Variants in NWD2 observed in about 807,000 individuals in gnomAD.
The protein encoded by NWD2 is NACHT and WD repeat domain containing 2.
A neutral mutation model predicts 132.7 loss-of-function variants in NWD2; 37 were observed. The observed-to-expected ratio is 0.28, with a 90% CI of 0.21 to 0.37. The LOEUF (loss-of-function observed/expected upper bound fraction) is 0.37. NWD2 is among the 10% of genes least tolerant of loss of function. The pLI, the probability that NWD2 is intolerant of heterozygous loss-of-function variation, is 1.00. For synonymous variants in NWD2, 705 were observed against 803.0 expected (o/e 0.88, Z 2.06); for missense variants, 1,592 against 2,122.4 (o/e 0.75, Z 4.91).
chr4:37,373,175 C>T (rs979794259), intron 3 of NWD2, among the ~76,000 whole-genome samples: 1 of 152,196 alleles, frequency 6.6e-6, no homozygotes, highest in African/African-American at 2.4e-5. Context: ...AAGGTAGGTG[C>T]TAATATTAGT....
At chr4:37,265,201 A>C (rs74892297) in intron 1 of NWD2, among the ~76,000 whole-genome samples, 3 of 152,090 alleles carry the variant, frequency 2.0e-5, no homozygotes, top group Non-Finnish European at 4.4e-5. Context: ...CAAGATCCAG[A>C]TATAAAATGA....
chr4:37,411,371 C>G (rs973088999), intron 3 of NWD2, among the ~76,000 whole-genome samples: 3 of 152,176 alleles, frequency 2.0e-5, no homozygotes, highest in Non-Finnish European at 4.4e-5. Flanking sequence ...TGCAAATAAA[C>G]TAGAAAATCT....
At chr4:37,313,889 G>A (rs539561780) in intron 1 of NWD2, among the ~76,000 whole-genome samples, 1 of 151,054 alleles carries the variant, frequency 6.6e-6, no homozygotes, top group South Asian at 2.1e-4. Flanking sequence ...GTAGAGACAG[G>A]ATTTCACCAT....
At chr4:37,362,715 A>C (rs1284130881) in intron 3 of NWD2, among the ~76,000 whole-genome samples, 1 of 152,266 alleles carries the variant, frequency 6.6e-6, no homozygotes, top group Admixed American at 6.5e-5. Flanking sequence ...GTAATCCCAG[A>C]AGAAAACCTA....
chr4:37,401,229 A>G (rs888337461), intron 3 of NWD2, among the ~76,000 whole-genome samples: 9 of 152,070 alleles, frequency 5.9e-5, no homozygotes, highest in African/African-American at 2.2e-4. Context: ...TCTTATTGAG[A>G]AACAGAGGAC....
intron 3 of NWD2, among the ~76,000 whole-genome samples, chr4:37,382,815 C>T (rs952033684): frequency 6.6e-6 from 1 of 151,980 alleles, no homozygotes; most frequent in Admixed American, 6.6e-5. Context: ...CTCAGCCTCC[C>T]GAGTAGCTGG....
intron 6 of NWD2, among the ~76,000 whole-genome samples, chr4:37,441,739 G>C (rs186895539): frequency 5.9e-5 from 9 of 152,252 alleles, no homozygotes; most frequent in African/African-American, 1.9e-4. Flanking sequence ...CTCTGCCTGC[G>C]CTTCACTTAC....
Position 37,245,003 on chromosome 4 carries a change from T to C in NWD2, c.-65T>C, listed in dbSNP as rs2109252265. On this transcript the variant is annotated 5_prime_UTR_variant, in exon 1 of 7. Transcript: ENST00000309447. Reference sequence around the variant, plus strand: ...CGCCTGCTGAGCCGTTCCGTGGAGCTGCGGGCAGGAACCCGAGGAGCAGGA... The same window carrying C: ...CGCCTGCTGAGCCGTTCCGTGGAGCCGCGGGCAGGAACCCGAGGAGCAGGA... 3.3e-6 allele frequency: 5 copies of C among 1,533,064 alleles called. No individual in the cohort carries two copies. The highest frequency in any genetic ancestry group is 4.4e-6 in the Non-Finnish European group (5 of 1,143,344). 95.0% of individuals were successfully genotyped at this position (1,533,064 alleles called of 1,614,324 possible).
chr4:37,322,254 A>G (rs574144319), intron 1 of NWD2, among the ~76,000 whole-genome samples: 1 of 152,318 alleles, frequency 6.6e-6, no homozygotes, highest in South Asian at 2.1e-4. Context: ...GAGGCACACA[A>G]TAAACAAATA....
chr4:37,428,739 A>C (rs1051362535), intron 3 of NWD2, among the ~76,000 whole-genome samples: 3 of 152,172 alleles, frequency 2.0e-5, no homozygotes, highest in African/African-American at 7.2e-5. Flanking sequence ...CAGTACCACT[A>C]ATTTTTTTTT....
rs904530364 is a variant in NWD2 at position 37,446,354 on chromosome 4, A to G, written c.4366A>G (p.Lys1456Glu). Residue 1456 changes from lysine to glutamate, a missense_variant, in exon 7 of 7, where the codon AAA becomes GAA. Transcript: ENST00000309447. The surrounding 1 kb of genome is among the most constrained non-coding windows in gnomAD (Gnocchi z 6.7). ...AAATACCTTCGTGGTGGGAATGACT[A>G]AAAGCAAAGTGTTGGCAGTCAGTCT... ...SANTFVVGMT[K>E]SKVLAVSLWT... The G allele has an allele frequency of 3.2e-6, 5 of 1,551,800 alleles. No individual in the cohort carries two copies. The highest frequency in any genetic ancestry group is 1.7e-4 in the Middle Eastern group (1 of 6,016).
In NWD2 at chr4:37,356,362, C is replaced by T. The variant is rs1210599950; in HGVS notation, c.241-4C>T. On this transcript the variant is annotated splice_polypyrimidine_tract_variant and splice_region_variant and intron_variant, in intron 2 of 6. Coordinates refer to ENST00000309447, the MANE Select transcript of NWD2 (RefSeq NM_001144990.2). The stretch of plus-strand genomic sequence containing the variant: ...ACTAATGCTCTTCATCCATCTGTCC[C>T]CAGGTCATAGATCTGTACTGGGGAG... The T allele has an allele frequency of 1.3e-6, 2 of 1,504,716 alleles. No homozygotes were observed. Among genetic ancestry groups the T allele is most frequent in the African/African-American group, 1.4e-5 (1 of 72,030 alleles). 93.2% of individuals were successfully genotyped at this position (1,504,716 alleles called of 1,614,324 possible).
In NWD2 at chr4:37,444,954, G is replaced by T; in HGVS notation, c.2966G>T (p.Gly989Val). 6.4e-7 allele frequency: 1 copy of T among 1,552,108 alleles called. No homozygotes were observed. Among genetic ancestry groups the T allele is most frequent in the Non-Finnish European group, 8.7e-7 (1 of 1,147,098 alleles). Residue 989 changes from glycine (G) to valine (V), a missense_variant, in exon 7 of 7, where the codon GGT (glycine) becomes GTT (valine). Gly to Val is a moderately radical substitution (Grantham distance 109). Coordinates refer to ENST00000309447, the MANE Select transcript of NWD2 (RefSeq NM_001144990.2). This position sits in a 1 kb window ranked among gnomAD's most constrained non-coding sequence, Gnocchi z 4.8. ...PSTVLTALEN[G>V]SISTWDVETR... Reference sequence around the variant, plus strand: ...ACTGTCCTCACAGCTTTAGAAAATGGTTCCATCAGCACCTGGGATGTAGAG... The same window carrying T: ...ACTGTCCTCACAGCTTTAGAAAATGTTTCCATCAGCACCTGGGATGTAGAG...
chr4:37,427,674 A>C (rs1359475454), intron 3 of NWD2, among the ~76,000 whole-genome samples: 1 of 152,190 alleles, frequency 6.6e-6, no homozygotes, highest in Admixed American at 6.5e-5. Flanking sequence ...TTTGCAGCCA[A>C]AAAGAACAGC....
rs1717190990 is a variant in NWD2 at position 37,244,774 on chromosome 4, G to T, written c.-294G>T. On this transcript the variant is annotated 5_prime_UTR_variant, in exon 1 of 7. Transcript: ENST00000309447. This position sits in a 1 kb window ranked among gnomAD's most constrained non-coding sequence, Gnocchi z 5.5. The stretch of plus-strand genomic sequence containing the variant: ...GCGCTGCGCGCGTAGCCGCCGCCAC[G>T]CTGACCTCCCGCTCCAGCTGGCTGC... The T allele has an allele frequency of 3.0e-6, 1 of 334,136 alleles. No homozygotes were observed. The highest frequency in any genetic ancestry group is 5.4e-6 in the Non-Finnish European group (1 of 184,394). The allele number at this position is 334,136 out of a possible 1,614,324, so 20.7% of individuals were successfully genotyped here. A position where few individuals can be genotyped will look rare whatever the true frequency, so the allele number is the denominator to read the frequency against.
chr4:37,371,522 GT>G (rs1234321871), intron 3 of NWD2, among the ~76,000 whole-genome samples: 2 of 152,210 alleles, frequency 1.3e-5, no homozygotes, highest in African/African-American at 4.8e-5. Flanking sequence ...ATTTTTAGCA[GT>G]GATATGAAAA....
chr4:37,379,915 A>C (rs1447151872), intron 3 of NWD2, among the ~76,000 whole-genome samples: 1 of 152,216 alleles, frequency 6.6e-6, no homozygotes, highest in Non-Finnish European at 1.5e-5. Context: ...TCTTTCAGAT[A>C]TATATATATT....
intron 1 of NWD2, among the ~76,000 whole-genome samples, chr4:37,295,774 T>C (rs1718477824): frequency 1.3e-5 from 2 of 152,214 alleles, no homozygotes; most frequent in Admixed American, 1.3e-4. Flanking sequence ...ATTTTCCCTT[T>C]CAGGACAAGT....
intron 5 of NWD2, among the ~76,000 whole-genome samples, chr4:37,435,388 T>C (rs1462687998): frequency 6.6e-6 from 1 of 152,218 alleles, no homozygotes; most frequent in African/African-American, 2.4e-5. Flanking sequence ...AGAAGGAAGC[T>C]GTTTTTAAAA....
Sources: gnomAD v4.1 joint callset for allele counts (sites outside exome capture counted in the v4.1 genomes callset) on GRCh38, gnomAD v4.1.1 for gene constraint, Gnocchi (gnomAD v3.1) non-coding constraint, MANE v1.5 for transcripts, NCBI Gene and HGNC (gene_info 2026-07-23, HGNC 2026-07-21) for gene names.